Variants in ADARB1 observed in about 807,000 individuals in gnomAD.
ADARB1 encodes the protein adenosine deaminase RNA specific B1.
A neutral mutation model predicts 52.4 loss-of-function variants in ADARB1; 10 were observed. The ratio of observed to expected loss-of-function variants is 0.19; its 90% CI spans 0.12 to 0.32. The LOEUF is 0.32. Among genes scored for constraint, ADARB1 ranks in the 10% least tolerant of loss-of-function variants. ADARB1 has a pLI of 1.00. For synonymous variants in ADARB1, 349 were observed against 371.1 expected, an observed-to-expected ratio of 0.94 and a Z score of 0.68; for missense variants, 643 against 922.3, an observed-to-expected ratio of 0.70 and a Z score of 3.92.
At chr21:45,079,196 A>G (rs1013319242) in intron 1 of ADARB1, among the ~76,000 whole-genome samples, 4 of 152,218 alleles carry the variant, frequency 2.6e-5, no homozygotes, top group Non-Finnish European at 5.9e-5. Context: ...TTTAAGTTGC[A>G]TCATCATTTC....
chr21:45,094,024 T>G (rs1340571562), intron 1 of ADARB1, among the ~76,000 whole-genome samples: 4 of 152,230 alleles, frequency 2.6e-5, no homozygotes, highest in Non-Finnish European at 5.9e-5. Flanking sequence ...CCATCCTGAT[T>G]ATAACTTTTT....
At position 45,074,708 on chromosome 21, in the gene ADARB1, G is replaced by A. The variant is rs2085840559; in HGVS notation, c.-305G>A. 1 of 146,232 alleles carries A rather than the reference G, an allele frequency of 6.8e-6. No homozygotes were observed. The highest frequency in any genetic ancestry group is 1.9e-4 in the South Asian group (1 of 5,210). The allele number at this position is 146,232 out of a possible 1,614,324, so 9.1% of individuals were successfully genotyped here. A position where few individuals can be genotyped will look rare whatever the true frequency, so the allele number is the denominator to read the frequency against. On this transcript the variant is annotated 5_prime_UTR_variant, in exon 1 of 11. Coordinates refer to ENST00000348831, the MANE Select transcript of ADARB1 (RefSeq NM_001112.4). ...CGCCGCGCCGCTGCGCACAACCAAC[G>A]AGGCAGAGCGCCGCCCGGCGCGAGA... is the stretch of plus-strand genomic sequence containing the variant.
intron 8 of ADARB1, among the ~76,000 whole-genome samples, chr21:45,201,265 C>G (rs927542513): frequency 1.3e-5 from 2 of 152,212 alleles, no homozygotes; most frequent in Non-Finnish European, 2.9e-5. Context: ...TTTGTCCCAG[C>G]TGTCCTTTGT....
intron 1 of ADARB1, among the ~76,000 whole-genome samples, chr21:45,082,592 C>T (rs745448107): frequency 9.2e-5 from 14 of 152,178 alleles, no homozygotes; most frequent in African/African-American, 1.7e-4. Context: ...CCCTATTTAT[C>T]AGATCAGAAA....
chr21:45,180,560 C>A, intron 5 of ADARB1, 116 bp downstream of exon 5: 1 of 856,162 alleles, frequency 1.2e-6, no homozygotes, highest in Non-Finnish European at 1.9e-6. Context: ...TACTTCTTTT[C>A]TTCTTCAAAA....
intron 1 of ADARB1, among the ~76,000 whole-genome samples, chr21:45,097,876 C>A (rs1860892417): frequency 6.6e-6 from 1 of 152,182 alleles, no homozygotes; most frequent in Non-Finnish European, 1.5e-5. Flanking sequence ...TCTGGCCCAG[C>A]CTGCTAGGCA....
At chr21:45,080,784 T>C (rs2086122282) in intron 1 of ADARB1, among the ~76,000 whole-genome samples, 1 of 152,210 alleles carries the variant, frequency 6.6e-6, no homozygotes, top group African/African-American at 2.4e-5. Context: ...TTGATTTGCC[T>C]AGCTGGGAAT....
chr21:45,141,302 C>CA (rs1162938271), intron 2 of ADARB1, among the ~76,000 whole-genome samples: 18 of 152,060 alleles, frequency 1.2e-4, no homozygotes, highest in African/African-American at 3.6e-4. Flanking sequence ...TGTTAAAATG[C>CA]AAAAAATTAG....
intron 1 of ADARB1, among the ~76,000 whole-genome samples, chr21:45,101,301 TC>T (rs1475633159): frequency 6.6e-6 from 1 of 152,148 alleles, no homozygotes; most frequent in Admixed American, 6.5e-5. Flanking sequence ...GCGGGCCGTG[TC>T]CCCGCAGCCC....
intron 1 of ADARB1, among the ~76,000 whole-genome samples, chr21:45,092,100 AC>A (rs2123687495): frequency 1.3e-5 from 2 of 152,242 alleles, no homozygotes; most frequent in East Asian, 3.9e-4. Flanking sequence ...AGTGGGACTG[AC>A]CTTTGCTTCT....
intron 2 of ADARB1, chr21:45,145,777 T>C (rs2089975395): frequency 6.6e-6 from 1 of 152,214 alleles, no homozygotes; most frequent in African/African-American, 2.4e-5. Context: ...AAGCTTACCG[T>C]GGTATCTTTC....
At chr21:45,151,040 C>G (rs574883129) in intron 2 of ADARB1, among the ~76,000 whole-genome samples, 2 of 152,312 alleles carry the variant, frequency 1.3e-5, no homozygotes, top group South Asian at 4.1e-4. Context: ...AGAGAGAGCA[C>G]TGCAGCCAAC....
chr21:45,170,756 C>T (rs2091448587), intron 2 of ADARB1, among the ~76,000 whole-genome samples: 1 of 152,052 alleles, frequency 6.6e-6, no homozygotes, highest in Non-Finnish European at 1.5e-5. Context: ...TCTTTTTCCT[C>T]AATTGCAATT....
intron 1 of ADARB1, among the ~76,000 whole-genome samples, chr21:45,101,898 A>G (rs765507361): frequency 7.9e-5 from 12 of 152,026 alleles, no homozygotes; most frequent in Non-Finnish European, 1.5e-4. Context: ...GTGCTTATTT[A>G]TTTATTTGGG....
chr21:45,164,324 C>G (rs575803730), intron 2 of ADARB1, among the ~76,000 whole-genome samples: 3 of 152,208 alleles, frequency 2.0e-5, no homozygotes, highest in Non-Finnish European at 4.4e-5. Context: ...TTTGCCCCTG[C>G]GTTGGCACAA....
chr21:45,134,132 GGTGTGTGCCCGACAGTGGT>G (rs1246293205), intron 2 of ADARB1, among the ~76,000 whole-genome samples: 1 of 103,522 alleles, frequency 9.7e-6, no homozygotes, highest in Non-Finnish European at 2.0e-5. Flanking sequence ...GCCCGACGGG[GGTGTGTGCCCGACAGTGGT>G]GTGTGCGCCC....
intron 1 of ADARB1, among the ~76,000 whole-genome samples, chr21:45,088,058 G>A (rs1298310937): frequency 1.3e-5 from 2 of 152,214 alleles, no homozygotes; most frequent in Admixed American, 1.3e-4. Flanking sequence ...GAGGGAGGCC[G>A]TGCTGTTGGA....
chr21:45,113,523 G>GTA lies in ADARB1; in HGVS notation c.-219-14865_-219-14864dup, dbSNP rs1207979584. Among the ~76,000 whole-genome samples, 260 of 102,018 alleles carry GTA rather than the reference G, an allele frequency of 2.5e-3. 1 individual carries two copies. The highest frequency in any genetic ancestry group is 0.013 in the East Asian group (50 of 3,986). The allele number at this position is 102,018 out of a possible 152,430, so 66.9% of individuals were successfully genotyped here. A position where few individuals can be genotyped will look rare whatever the true frequency, so the allele number is the denominator to read the frequency against. ...TGTGTGTGTGTGTGTGTGTGTGTGTGTATATATATATATATGTTGACATGT... is the reference window on the plus strand; with the variant it reads ...TGTGTGTGTGTGTGTGTGTGTGTGTGTATATATATATATATATGTTGACATGT... On this transcript the variant is annotated intron_variant, in intron 1 of 10. Coordinates refer to ENST00000348831, the MANE Select transcript of ADARB1 (RefSeq NM_001112.4).
intron 1 of ADARB1, among the ~76,000 whole-genome samples, chr21:45,106,291 G>T (rs2087256298): frequency 6.6e-6 from 1 of 151,992 alleles, no homozygotes; most frequent in African/African-American, 2.4e-5. Context: ...GTTCAGCGTG[G>T]GTTGTGGTTG....
Sources: allele counts gnomAD v4.1 joint callset (sites outside exome capture counted in the v4.1 genomes callset), GRCh38; gene constraint gnomAD v4.1.1; transcripts MANE v1.5; gene names NCBI Gene and HGNC (gene_info 2026-07-23, HGNC 2026-07-21).